Variants in SVEP1 observed in about 807,000 individuals in gnomAD.
The protein encoded by SVEP1 is sushi, von Willebrand factor type A, EGF and pentraxin domain-containing protein 1.
A neutral mutation model predicts 367.3 loss-of-function variants in SVEP1; 164 were observed. The observed-to-expected ratio is 0.45, with a 90% CI of 0.39 to 0.51. SVEP1 has a LOEUF of 0.51. SVEP1 is among the 20% of genes least tolerant of loss of function. The pLI is 0.00. For synonymous variants in SVEP1, 1,666 were observed against 1,611.6 expected, an observed-to-expected ratio of 1.03 and a Z score of -0.81; for missense variants, 4,117 against 4,425.3, an observed-to-expected ratio of 0.93 and a Z score of 1.98.
At chr9:110,564,630 A>G (rs1830467911) in intron 1 of SVEP1, among the ~76,000 whole-genome samples, 1 of 152,126 alleles carries the variant, frequency 6.6e-6, no homozygotes, top group East Asian at 1.9e-4. Context: ...AGCATTCCAA[A>G]TAAACGACAT....
chr9:110,522,846 A>G (rs895913574), intron 3 of SVEP1, among the ~76,000 whole-genome samples: 1 of 152,172 alleles, frequency 6.6e-6, no homozygotes, highest in Non-Finnish European at 1.5e-5. Context: ...TACGGATTAT[A>G]TCAGTTGTTA....
chr9:110,509,241 AATGTGTTTCAGATTTAGTGAAATATGGC>A (rs1309444037), intron 5 of SVEP1, among the ~76,000 whole-genome samples: 3 of 152,240 alleles, frequency 2.0e-5, no homozygotes, highest in Admixed American at 6.5e-5. Context: ...TGTTTTAAAA[AATGTGTTTCAGATTTAGTGAAATATGGC>A]ATGTGTTTCA....
Position 110,407,405 on chromosome 9 carries a change from T to C in SVEP1, c.8195A>G (p.Glu2732Gly). The C allele has an allele frequency of 1.2e-6, 2 of 1,614,002 alleles. No homozygotes were observed. The highest frequency in any genetic ancestry group is 1.7e-6 in the Non-Finnish European group (2 of 1,179,902). ...APENGFLRFT[E>G]TSMGSAVQYS... ...CTGCACAGCACTTCCCATGCTAGTC[T>C]CTGTAAAACGCAAAAAGCCATTTTC... Residue 2732 changes from glutamate to glycine, a missense_variant, in exon 38 of 48, where the codon GAG becomes GGG. Transcript: ENST00000374469.
chr9:110,470,232 A>C (rs753126283), intron 16 of SVEP1, among the ~76,000 whole-genome samples: 8 of 152,148 alleles, frequency 5.3e-5, no homozygotes, highest in African/African-American at 9.7e-5. Context: ...TAATGGGCAT[A>C]GAGTCTCCTT....
rs566821384 is a variant in SVEP1, at chr9:110,533,733, G to A, written c.964+12382C>T. On this transcript the variant is annotated intron_variant, in intron 3 of 47. Transcript: ENST00000374469. ...AGCATAGCCCGATTTCCTCTAGCTT[G>A]GGCTATCATTTTCAAATTGCTAACA... Among the ~76,000 whole-genome samples, 152 of 152,232 alleles carry A rather than the reference G, an allele frequency of 1.0e-3. 1 individual carries two copies. The highest frequency in any genetic ancestry group is 3.3e-3 in the African/African-American group (138 of 41,540).
Position 110,408,028 on chromosome 9 carries a change from G to A in SVEP1, c.7572C>T (p.Cys2524=). 6.2e-7 allele frequency: 1 copy of A among 1,614,026 alleles called. No individual in the cohort carries two copies. Among genetic ancestry groups the A allele is most frequent in the Non-Finnish European group, 8.5e-7 (1 of 1,179,896 alleles). ...LHYGQTVTYS[C]NRGFRLEGPS... ...GACCTTCGAGCCGAAAGCCTCGGTT[G>A]CAAGAGTAGGTAACGGTCTGTCCAT... Residue 2524 remains cysteine, a synonymous_variant, in exon 38 of 48, where the codon TGC becomes TGT. Coordinates refer to ENST00000374469, the MANE Select transcript of SVEP1 (RefSeq NM_153366.4).
rs769478250 is a variant in SVEP1, at chr9:110,514,073, G to A, written c.998C>T (p.Ser333Leu). ...AATGCAACTGCTGATTCCTCCTGGTGAGCCTTCAGGTTTGTATGTCCCCGA... is the reference window on the plus strand; with the variant it reads ...AATGCAACTGCTGATTCCTCCTGGTAAGCCTTCAGGTTTGTATGTCCCCGA... Reference protein sequence around the residue: ...CPSGTYKPEGSPGGISSCIPC... With the variant: ...CPSGTYKPEGLPGGISSCIPC... The change falls in exon 4 of 48, where the codon TCA (serine) becomes TTA (leucine). Residue 333 changes from serine (S) to leucine (L), a missense_variant. Physicochemically the swap from Ser to Leu is moderately radical, Grantham distance 145. Around this residue, in one of 4 missense-constraint regions of SVEP1, gnomAD observed 2,174 missense variants for 2,494.3 expected, o/e 0.87. Transcript: ENST00000374469. The A allele has an allele frequency of 3.7e-6, 6 of 1,610,906 alleles. No individual in the cohort carries two copies. The highest frequency in any genetic ancestry group is 5.1e-6 in the Non-Finnish European group (6 of 1,178,550).
chr9:110,481,323 C>A lies in SVEP1; in HGVS notation c.2284G>T (p.Gly762Trp), dbSNP rs763680158. The A allele has an allele frequency of 1.9e-6, 3 of 1,611,442 alleles. No homozygotes were observed. The highest frequency in any genetic ancestry group is 2.5e-6 in the Non-Finnish European group (3 of 1,178,804). Residue 762 changes from glycine to tryptophan, a missense_variant, in exon 12 of 48, where the codon GGG (glycine) becomes TGG (tryptophan). Physicochemically the swap from Gly to Trp is radical, Grantham distance 184. Transcript: ENST00000374469. ...TCLEGYDFTE[G>W]STDKYYCAYE... is the part of the protein sequence containing the mutation. Reference sequence around the variant, plus strand: ...GCACAATAATACTTGTCAGTAGACCCTTCTGTGAAATCATAGCCCTCCAAG... The same window carrying A: ...GCACAATAATACTTGTCAGTAGACCATTCTGTGAAATCATAGCCCTCCAAG...
At chr9:110,568,723 GA>G (rs1281426970) in intron 1 of SVEP1, among the ~76,000 whole-genome samples, 4 of 152,244 alleles carry the variant, frequency 2.6e-5, no homozygotes, top group African/African-American at 7.2e-5. Context: ...GAAAATTTAA[GA>G]GTTTATATCG....
intron 18 of SVEP1, among the ~76,000 whole-genome samples, chr9:110,459,908 G>A (rs975962221): frequency 1.3e-5 from 2 of 151,846 alleles, no homozygotes; most frequent in African/African-American, 4.8e-5. Context: ...CTTTTATGGA[G>A]GTTTTTTATG....
At chr9:110,448,407 G>A (rs1828639989) in intron 24 of SVEP1, among the ~76,000 whole-genome samples, 1 of 152,174 alleles carries the variant, frequency 6.6e-6, no homozygotes, top group African/African-American at 2.4e-5. Flanking sequence ...CATGTCATAC[G>A]AAGACCTCTT....
At chr9:110,446,576 T>C (rs553139200) in intron 25 of SVEP1, among the ~76,000 whole-genome samples, 171 of 151,820 alleles carry the variant, frequency 1.1e-3, no homozygotes, top group African/African-American at 3.8e-3. Flanking sequence ...TTCTCAAACA[T>C]GTCCATGGAG....
At chr9:110,558,945 C>T (rs1262816784) in intron 1 of SVEP1, among the ~76,000 whole-genome samples, 2 of 151,908 alleles carry the variant, frequency 1.3e-5, no homozygotes, top group Non-Finnish European at 2.9e-5. Context: ...ACAATTATTA[C>T]CCCAATTAAA....
In SVEP1 at chr9:110,434,445, T is replaced by G; in HGVS notation, c.4950A>C (p.Pro1650=). 6.2e-7 allele frequency: 1 copy of G among 1,613,586 alleles called. No individual in the cohort carries two copies. Among genetic ancestry groups the G allele is most frequent in the Non-Finnish European group, 8.5e-7 (1 of 1,179,742 alleles). ...CACAGAACAGATTGACTTTGGAACC[T>G]GGCTTTAAATCTTCAGATGCAGTTC... The part of the protein sequence containing the change: ...HLRTASEDLK[P]GSKVNLFCDP... The change falls in exon 30 of 48, where the codon CCA becomes CCC. Residue 1650 remains proline, a synonymous_variant. Transcript: ENST00000374469.
Position 110,368,556 on chromosome 9 carries a change from T to A in SVEP1, c.10694+1367A>T, listed in dbSNP as rs185391346. The stretch of plus-strand genomic sequence containing the variant: ...TTCCTCAATCAAGAAAGAACTCCTA[T>A]CGACAGTTTTTAAATCATGCAAACT... On this transcript the variant is annotated intron_variant, in intron 47 of 47. Transcript: ENST00000374469. Among the ~76,000 whole-genome samples, 167 of 152,360 alleles carry A rather than the reference T, an allele frequency of 1.1e-3. 1 individual carries two copies. Among genetic ancestry groups the A allele is most frequent in the African/African-American group, 3.8e-3 (160 of 41,592 alleles).
chr9:110,542,454 G>A (rs1830163620), intron 3 of SVEP1, among the ~76,000 whole-genome samples: 1 of 152,144 alleles, frequency 6.6e-6, no homozygotes, highest in African/African-American at 2.4e-5. Context: ...CAACTATTCA[G>A]AATGAAATTT....
At chr9:110,468,673 T>C (rs1166029639) in intron 17 of SVEP1, among the ~76,000 whole-genome samples, 4 of 152,220 alleles carry the variant, frequency 2.6e-5, no homozygotes, top group South Asian at 2.1e-4. Context: ...TTATTCCCAA[T>C]AGGTCATTCT....
chr9:110,434,751 A>C (rs1402894886), intron 29 of SVEP1, among the ~76,000 whole-genome samples: 1 of 148,366 alleles, frequency 6.7e-6, no homozygotes, highest in Non-Finnish European at 1.5e-5. Flanking sequence ...ATGTTCTTGT[A>C]AGTTATCAAA....
In SVEP1 at chr9:110,443,685, G is replaced by A. The variant is rs772058967; in HGVS notation, c.4499C>T (p.Thr1500Ile). 1.4e-5 allele frequency: 23 copies of A among 1,609,754 alleles called. No individual in the cohort carries two copies. Among genetic ancestry groups the A allele is most frequent in the Admixed American group, 1.0e-4 (6 of 59,400 alleles). ...VLYVNGREKI[T>I]NCPSVNDGRW... ...GCCATCATTCACCGAGGGACAGTTT[G>A]TTATCTTTTCCCTGCCATTCACATA... Residue 1500 changes from threonine (T) to isoleucine (I), a missense_variant, in exon 27 of 48, where the codon ACA becomes ATA. Around this residue, in one of 4 missense-constraint regions of SVEP1, gnomAD observed 2,174 missense variants for 2,494.3 expected, o/e 0.87. Coordinates refer to ENST00000374469, the MANE Select transcript of SVEP1 (RefSeq NM_153366.4).
Sources: allele counts gnomAD v4.1 joint callset (sites outside exome capture counted in the v4.1 genomes callset), GRCh38; gene constraint gnomAD v4.1.1; regional missense constraint gnomAD v4.1.1; transcripts MANE v1.5; gene names NCBI Gene and HGNC (gene_info 2026-07-23, HGNC 2026-07-21).